The following CHMP4B variants were observed in gnomAD, a reference collection of about 807,000 sequenced individuals.
The protein encoded by CHMP4B is charged multivesicular body protein 4B.
CHMP4B carries 1 observed loss-of-function variant against 25.1 expected under a neutral mutation model. That is an observed-to-expected ratio of 0.04 (90% CI 0.01 to 0.19). The LOEUF is 0.19. Ranked by LOEUF, CHMP4B falls within the 10% of genes least tolerant of loss-of-function variation. CHMP4B has a pLI of 1.00. For missense variants in CHMP4B, 151 were observed against 289.7 expected (o/e 0.52, Z 3.48); for synonymous variants, 101 against 115.6 (o/e 0.87, Z 0.81).
At chr20:33,839,488 G>A (rs1979476356) in intron 1 of CHMP4B, among the ~76,000 whole-genome samples, 1 of 152,106 alleles carries the variant, frequency 6.6e-6, no homozygotes, top group Non-Finnish European at 1.5e-5. Context: ...TGGTAATAAT[G>A]GTTGGATTTT....
chr20:33,815,295 G>A (rs1978753725), intron 1 of CHMP4B, among the ~76,000 whole-genome samples: 1 of 152,216 alleles, frequency 6.6e-6, no homozygotes, highest in African/African-American at 2.4e-5. Flanking sequence ...TTATTACAAG[G>A]AGACTTGCAA....
chr20:33,839,716 G>A (rs982617194), intron 1 of CHMP4B, among the ~76,000 whole-genome samples: 2 of 152,152 alleles, frequency 1.3e-5, no homozygotes, highest in African/African-American at 4.8e-5. Context: ...GGCTCAGGCA[G>A]AAGCAGGCCC....
In CHMP4B at chr20:33,811,430, C is replaced by CGAGCG; in HGVS notation, c.-38_-37insAGCGG. On this transcript the variant is annotated 5_prime_UTR_variant, in exon 1 of 5. Transcript: ENST00000217402. ...CGAGCCGAGCCGAGCCGAGCCGAGC[C>CGAGCG]GGAGCGGGCGGCGAAGGCCGGCGCG... 1 of 1,458,778 alleles carries CGAGCG rather than the reference C, an allele frequency of 6.9e-7. No individual in the cohort carries two copies. The highest frequency in any genetic ancestry group is 1.4e-5 in the South Asian group (1 of 69,670). 90.4% of individuals were successfully genotyped at this position (1,458,778 alleles called of 1,614,324 possible). A position where few individuals can be genotyped will look rare whatever the true frequency, so the allele number is the denominator to read the frequency against.
intron 2 of CHMP4B, among the ~76,000 whole-genome samples, chr20:33,850,555 A>G (rs1222406016): frequency 2.0e-5 from 3 of 152,208 alleles, no homozygotes; most frequent in African/African-American, 7.2e-5. Flanking sequence ...TGGAAGGCCC[A>G]TTAGACAGCA....
In CHMP4B at chr20:33,854,332, G is replaced by T. The variant is rs1291441351; in HGVS notation, c.*772G>T. 1 of 152,786 alleles carries T rather than the reference G, an allele frequency of 6.5e-6. No individual in the cohort carries two copies. The highest frequency in any genetic ancestry group is 1.5e-5 in the Non-Finnish European group (1 of 68,162). 9.5% of individuals were successfully genotyped at this position (152,786 alleles called of 1,614,324 possible). ...TTATATTCAGATGAAATTATGGTTT[G>T]CACTGTCTATTAAATATCTCGATTA... On this transcript the variant is annotated 3_prime_UTR_variant, in exon 5 of 5. Transcript: ENST00000217402.
chr20:33,820,109 C>T (rs945879756), intron 1 of CHMP4B, among the ~76,000 whole-genome samples: 7 of 151,922 alleles, frequency 4.6e-5, no homozygotes, highest in Non-Finnish European at 7.4e-5. Context: ...ACCCGAGAGC[C>T]GGAGCTTGCA....
chr20:33,832,399 G>A (rs1454956765), intron 1 of CHMP4B, among the ~76,000 whole-genome samples: 1 of 152,104 alleles, frequency 6.6e-6, no homozygotes, highest in Non-Finnish European at 1.5e-5. Context: ...GGTGGGGGAG[G>A]AGCTCAATCA....
At chr20:33,812,016 G>T (rs1431223924) in intron 1 of CHMP4B, among the ~76,000 whole-genome samples, 11 of 151,790 alleles carry the variant, frequency 7.2e-5, no homozygotes, top group Non-Finnish European at 1.5e-5. Context: ...CTCCTCCTCG[G>T]CTCATTTCTG....
chr20:33,813,140 C>G (rs1431592292), intron 1 of CHMP4B, among the ~76,000 whole-genome samples: 1 of 143,782 alleles, frequency 7.0e-6, no homozygotes, highest in Non-Finnish European at 1.5e-5. Context: ...GGAACCAGCT[C>G]TGTAAAAAAA....
chr20:33,837,310 C>A (rs558140522), intron 1 of CHMP4B, among the ~76,000 whole-genome samples: 2 of 151,936 alleles, frequency 1.3e-5, no homozygotes, highest in Non-Finnish European at 2.9e-5. Flanking sequence ...GAGATTGTGC[C>A]ACTGCACTCC....
At chr20:33,834,040 G>A (rs1714512378) in intron 1 of CHMP4B, among the ~76,000 whole-genome samples, 1 of 152,134 alleles carries the variant, frequency 6.6e-6, no homozygotes, top group Admixed American at 6.5e-5. Flanking sequence ...TTCTAGTATT[G>A]TCATGAAGTT....
intron 1 of CHMP4B, among the ~76,000 whole-genome samples, chr20:33,833,195 G>A (rs1477102055): frequency 2.0e-5 from 3 of 152,152 alleles, no homozygotes; most frequent in Non-Finnish European, 4.4e-5. Context: ...GAATTTTGAA[G>A]CCCATGGCCC....
intron 1 of CHMP4B, among the ~76,000 whole-genome samples, chr20:33,826,277 G>A (rs1979091735): frequency 6.6e-6 from 1 of 152,132 alleles, no homozygotes; most frequent in Admixed American, 6.5e-5. Context: ...GAAGGAGGAG[G>A]CTGGTAGGAC....
At chr20:33,816,869 A>T (rs1484528438) in intron 1 of CHMP4B, among the ~76,000 whole-genome samples, 1 of 152,228 alleles carries the variant, frequency 6.6e-6, no homozygotes, top group Admixed American at 6.5e-5. Flanking sequence ...TTACAGGTTA[A>T]TTTAGGTTTA....
chr20:33,821,671 C>G (rs1978945096), intron 1 of CHMP4B, among the ~76,000 whole-genome samples: 1 of 152,098 alleles, frequency 6.6e-6, no homozygotes, highest in African/African-American at 2.4e-5. Flanking sequence ...CACCTGTAAT[C>G]CCAGCACTTT....
Position 33,811,360 on chromosome 20 carries a change from G to T in CHMP4B, c.-109G>T, listed in dbSNP as rs950204854. 1.2e-5 allele frequency: 11 copies of T among 954,360 alleles called. No homozygotes were observed. Among genetic ancestry groups the T allele is most frequent in the Non-Finnish European group, 1.5e-5 (11 of 738,550 alleles). 59.1% of individuals were successfully genotyped at this position (954,360 alleles called of 1,614,324 possible). On this transcript the variant is annotated 5_prime_UTR_variant, in exon 1 of 5. Transcript: ENST00000217402. ...AGGCGGAGGCGGAGGAGAGGCCTGC[G>T]GCGGCAGGGAGCGGCGGGACTGGGA...
chr20:33,829,097 G>A (rs540802775), intron 1 of CHMP4B, among the ~76,000 whole-genome samples: 3 of 152,334 alleles, frequency 2.0e-5, no homozygotes, highest in Admixed American at 2.0e-4. Flanking sequence ...CTCTGTCTTG[G>A]GCTCACAGCC....
At chr20:33,850,413 G>A (rs891147704) in intron 2 of CHMP4B, among the ~76,000 whole-genome samples, 4 of 152,156 alleles carry the variant, frequency 2.6e-5, no homozygotes, top group Non-Finnish European at 5.9e-5. Context: ...AAATGTTGAC[G>A]TATATGTGTG....
chr20:33,852,415 A>G (rs1224529574), intron 4 of CHMP4B, among the ~76,000 whole-genome samples: 2 of 138,412 alleles, frequency 1.4e-5, no homozygotes, highest in Non-Finnish European at 1.5e-5. Flanking sequence ...TCTCTCTGGA[A>G]CAGTGTTTCT....
Sources: allele counts gnomAD v4.1 joint callset (sites outside exome capture counted in the v4.1 genomes callset), GRCh38; gene constraint gnomAD v4.1.1; transcripts MANE v1.5; gene names NCBI Gene and HGNC (gene_info 2026-07-23, HGNC 2026-07-21).